Variants in BLMH observed in about 807,000 individuals in gnomAD.
BLMH encodes BLM hydrolase.
In BLMH, 32 loss-of-function variants were observed where a neutral mutation model predicts 61.6. The ratio of observed to expected loss-of-function variants is 0.52; its 90% CI spans 0.39 to 0.70. The LOEUF (loss-of-function observed/expected upper bound fraction) is 0.70, where lower values mean the gene tolerates loss of function less well. BLMH is among the 30% of genes least tolerant of loss of function. The pLI is 0.00. For synonymous variants in BLMH, 183 were observed against 193.8 expected (o/e 0.94, Z 0.46); for missense variants, 460 against 555.5 (o/e 0.83, Z 1.73).
intron 6 of BLMH, among the ~76,000 whole-genome samples, chr17:30,281,652 TC>T (rs1908595740): frequency 1.3e-5 from 2 of 152,096 alleles, no homozygotes; most frequent in South Asian, 4.1e-4. Flanking sequence ...CAGCTTCACT[TC>T]CAAAATATAC....
intron 11 of BLMH, among the ~76,000 whole-genome samples, chr17:30,265,658 C>A (rs1908082196): frequency 1.3e-5 from 2 of 152,146 alleles, no homozygotes; most frequent in Non-Finnish European, 2.9e-5. Context: ...TCTTCTCAGT[C>A]TTCTAACTAG....
chr17:30,262,872 A>C (rs1908000586), intron 11 of BLMH, among the ~76,000 whole-genome samples: 1 of 152,226 alleles, frequency 6.6e-6, no homozygotes, highest in Non-Finnish European at 1.5e-5. Context: ...AATTCAGGGA[A>C]ATTTTGGGTG....
chr17:30,291,573 G>C (rs545130855), intron 1 of BLMH, 65 bp from the exon 2 acceptor site: 26 of 1,578,164 alleles, frequency 1.6e-5, no homozygotes, highest in Non-Finnish European at 2.3e-5. Context: ...TGGGGCTCCC[G>C]CGTCCCGAAT....
chr17:30,291,106 C>T (rs1441158017), intron 2 of BLMH: 1 of 611,660 alleles, frequency 1.6e-6, no homozygotes, highest in African/African-American at 1.8e-5. Context: ...CTTTTGTACT[C>T]TAACCGCATG....
At position 30,282,313 on chromosome 17, in the gene BLMH, T is replaced by C. The variant is rs138597984; in HGVS notation, c.645+3075A>G. 6.5e-4 allele frequency among the ~76,000 whole-genome samples: 96 copies of C among 147,056 alleles called. 1 individual carries two copies. The East Asian group carries it at 0.014, about 21-fold the overall frequency. Reference sequence around the variant, plus strand: ...ATTTTGGTCTCCACCACCTGCAGGGTTCCGGTGATTCTTGTGTCTCAGCTG... The same window carrying C: ...ATTTTGGTCTCCACCACCTGCAGGGCTCCGGTGATTCTTGTGTCTCAGCTG... On this transcript the variant is annotated intron_variant, in intron 6 of 11. Transcript: ENST00000261714.
chr17:30,291,546 G>C lies in BLMH; in HGVS notation c.14-38C>G, dbSNP rs376454231. ...CAAACAGGATTTTAACGCAAAAAGA[G>C]GGGGAAAGGGCTGATCTGGGGCTCC... is the stretch of plus-strand genomic sequence containing the variant. On this transcript the variant is annotated intron_variant, in intron 1 of 11. Coordinates refer to ENST00000261714, the MANE Select transcript of BLMH (RefSeq NM_000386.4). The C allele has an allele frequency of 6.8e-6, 11 of 1,606,930 alleles. No individual in the cohort carries two copies. The Admixed American group carries it at 1.7e-4, about 24-fold the overall frequency.
At position 30,248,820 on chromosome 17, in the gene BLMH, C is replaced by G. The variant is rs960955718; in HGVS notation, c.*197G>C. ...TAGATAGTATGACCTGATCTTCCCCCCTCTTTTTTTTCCTTTAACAGTATT... is the reference window on the plus strand; with the variant it reads ...TAGATAGTATGACCTGATCTTCCCCGCTCTTTTTTTTCCTTTAACAGTATT... On this transcript the variant is annotated 3_prime_UTR_variant, in exon 12 of 12. Transcript: ENST00000261714. 10 of 598,002 alleles carry G rather than the reference C, an allele frequency of 1.7e-5. No individual in the cohort carries two copies. The highest frequency in any genetic ancestry group is 2.9e-5 in the Non-Finnish European group (10 of 347,518). 37.0% of individuals were successfully genotyped at this position (598,002 alleles called of 1,614,324 possible).
Position 30,291,938 on chromosome 17 carries a change from GA to G in BLMH, c.-120del. On this transcript the variant is annotated 5_prime_UTR_variant, in exon 1 of 12. Transcript: ENST00000261714. ...CCTGTCTCTCGCACCCGGAGCGCCG[GA>G]AAAAGGAAACCGGCTCGGCGGCGGC... 55 of 1,161,490 alleles carry G rather than the reference GA, an allele frequency of 4.7e-5. No individual in the cohort carries two copies. The highest frequency in any genetic ancestry group is 3.2e-4 in the South Asian group (11 of 33,868). The allele number at this position is 1,161,490 out of a possible 1,614,324, so 71.9% of individuals were successfully genotyped here. A position where few individuals can be genotyped will look rare whatever the true frequency, so the allele number is the denominator to read the frequency against.
Position 30,291,772 on chromosome 17 carries a change from C to T in BLMH, c.13+35G>A, listed in dbSNP as rs570613180. ...GCCTCACGGGGACCGCGGAGCTCCT[C>T]CAGAGGACCGCGGCGGGGGACGGCG... is the stretch of plus-strand genomic sequence containing the variant. On this transcript the variant is annotated intron_variant, in intron 1 of 11. Coordinates refer to ENST00000261714, the MANE Select transcript of BLMH (RefSeq NM_000386.4). 2.1e-6 allele frequency: 3 copies of T among 1,412,104 alleles called. No individual in the cohort carries two copies. The African/African-American group carries it at 4.3e-5, about 20-fold the overall frequency. The allele number at this position is 1,412,104 out of a possible 1,614,324, so 87.5% of individuals were successfully genotyped here. A position where few individuals can be genotyped will look rare whatever the true frequency, so the allele number is the denominator to read the frequency against.
At chr17:30,291,252 C>G in intron 2 of BLMH, 59 bp downstream of exon 2, 1 of 1,573,420 alleles carries the variant, frequency 6.4e-7, no homozygotes. Context: ...AAATAAGACA[C>G]CAAAATGGGA....
intron 5 of BLMH, among the ~76,000 whole-genome samples, chr17:30,286,264 A>G (rs773795633): frequency 2.6e-5 from 4 of 152,234 alleles, no homozygotes; most frequent in Non-Finnish European, 5.9e-5. Flanking sequence ...CCCCGTAGGA[A>G]TTATAACTCT....
chr17:30,270,912 A>G (rs1908250194), intron 10 of BLMH, among the ~76,000 whole-genome samples: 2 of 152,240 alleles, frequency 1.3e-5, no homozygotes, highest in Admixed American at 1.3e-4. Flanking sequence ...AAATCTGAAC[A>G]TAGGTCATCA....
At chr17:30,256,633 T>G (rs11871800) in intron 11 of BLMH, among the ~76,000 whole-genome samples, 12,895 of 152,190 alleles carry the variant, frequency 0.085, 848 homozygotes, top group African/African-American at 0.17. Context: ...CCCGGCCCAT[T>G]TTTTGTTTTT....
intron 6 of BLMH, among the ~76,000 whole-genome samples, chr17:30,274,856 G>A (rs1444566468): frequency 1.3e-5 from 2 of 152,060 alleles, no homozygotes; most frequent in African/African-American, 4.8e-5. Flanking sequence ...GCTCATGCCT[G>A]TAGTCCCAGG....
intron 1 of BLMH, 40 bp from the exon 2 acceptor site, chr17:30,291,548 G>A (rs530373030): frequency 3.1e-6 from 5 of 1,605,472 alleles, no homozygotes; most frequent in African/African-American, 1.3e-5. Context: ...CAAAAAGAGG[G>A]GGAAAGGGCT....
chr17:30,275,556 T>G (rs1026163507), intron 6 of BLMH, among the ~76,000 whole-genome samples: 6 of 151,620 alleles, frequency 4.0e-5, no homozygotes, highest in Non-Finnish European at 5.9e-5. Flanking sequence ...CATGGTGGTA[T>G]GTACCTATAA....
At chr17:30,258,762 G>T (rs1907882141) in intron 11 of BLMH, among the ~76,000 whole-genome samples, 1 of 152,112 alleles carries the variant, frequency 6.6e-6, no homozygotes, top group Non-Finnish European at 1.5e-5. Flanking sequence ...CCATCCAAGG[G>T]TCTTGTTTTC....
intron 6 of BLMH, among the ~76,000 whole-genome samples, chr17:30,283,809 C>T (rs934918423): frequency 6.6e-6 from 1 of 152,060 alleles, no homozygotes; most frequent in Non-Finnish European, 1.5e-5. Context: ...CATGAGCCAC[C>T]GTGCCTGGCC....
rs1908906015 is a variant in BLMH at position 30,291,900 on chromosome 17, C to T, written c.-81G>A. 7.9e-7 allele frequency: 1 copy of T among 1,264,182 alleles called. No individual in the cohort carries two copies. Among genetic ancestry groups the T allele is most frequent in the Non-Finnish European group, 1.0e-6 (1 of 1,003,282 alleles). The allele number at this position is 1,264,182 out of a possible 1,614,324, so 78.3% of individuals were successfully genotyped here. On this transcript the variant is annotated 5_prime_UTR_variant, in exon 1 of 12. Coordinates refer to ENST00000261714, the MANE Select transcript of BLMH (RefSeq NM_000386.4). ...CCGGGATTGCGCTGCGGCTCGCTGC[C>T]TAGGGGGCCCGACCTGTCTCTCGCA...
Sources: gnomAD v4.1 joint callset for allele counts (sites outside exome capture counted in the v4.1 genomes callset) on GRCh38, gnomAD v4.1.1 for gene constraint, MANE v1.5 for transcripts, NCBI Gene and HGNC (gene_info 2026-07-23, HGNC 2026-07-21) for gene names.